LRMDA: variants seen among roughly 807,000 people sequenced by gnomAD.
The protein encoded by LRMDA is leucine rich melanocyte differentiation associated.
In LRMDA, 18 loss-of-function variants were observed where a neutral mutation model predicts 29.8. That is an observed-to-expected ratio of 0.60 (90% CI 0.42 to 0.90). The LOEUF (loss-of-function observed/expected upper bound fraction) is 0.90. Ranked by LOEUF, LRMDA falls within the 40% of genes least tolerant of loss-of-function variation. LRMDA has a pLI of 0.00. For synonymous variants in LRMDA, 125 were observed against 109.4 expected, an observed-to-expected ratio of 1.14 and a Z score of -0.89; for missense variants, 273 against 273.9, an observed-to-expected ratio of 1.00 and a Z score of 0.02.
At chr10:76,415,087 G>A (rs1842001039) in intron 6 of LRMDA, among the ~76,000 whole-genome samples, 1 of 152,252 alleles carries the variant, frequency 6.6e-6, no homozygotes, top group Non-Finnish European at 1.5e-5. Flanking sequence ...GGAAAAGCAA[G>A]TGGCTCCATG....
In LRMDA at chr10:75,575,258, G is replaced by A. The variant is rs973324428; in HGVS notation, c.131+136764G>A. Among the ~76,000 whole-genome samples, 4 of 152,064 alleles carry A rather than the reference G, an allele frequency of 2.6e-5. No homozygotes were observed. In the East Asian group the frequency reaches 7.7e-4, roughly 29 times the overall value. The stretch of plus-strand genomic sequence containing the variant: ...ACAAATATCCAAACCATATCATTCT[G>A]CCCCTGGCCCCTTCAAAATCTCATG... On this transcript the variant is annotated intron_variant, in intron 2 of 6. Coordinates refer to ENST00000611255, the MANE Select transcript of LRMDA (RefSeq NM_001305581.2).
At chr10:75,756,806 C>T (rs1388807157) in intron 2 of LRMDA, among the ~76,000 whole-genome samples, 1 of 152,146 alleles carries the variant, frequency 6.6e-6, no homozygotes, top group Non-Finnish European at 1.5e-5. Flanking sequence ...AACTGGAGGA[C>T]CTGGATTCCA....
At chr10:75,479,111 T>C (rs1287036879) in intron 2 of LRMDA, among the ~76,000 whole-genome samples, 1 of 152,198 alleles carries the variant, frequency 6.6e-6, no homozygotes, top group East Asian at 1.9e-4. Context: ...GTTCCTGCCT[T>C]CACAGAGCTT....
intron 2 of LRMDA, among the ~76,000 whole-genome samples, chr10:75,515,108 T>G (rs1191635660): frequency 6.6e-6 from 1 of 152,212 alleles, no homozygotes; most frequent in Non-Finnish European, 1.5e-5. Context: ...CATATTAGGT[T>G]AAGTGAAAGA....
intron 2 of LRMDA, among the ~76,000 whole-genome samples, chr10:75,601,516 TTTTTG>T (rs1159329476): frequency 2.6e-5 from 4 of 151,550 alleles, no homozygotes; most frequent in Non-Finnish European, 4.4e-5. Context: ...GGGAAAAGAG[TTTTTG>T]TTTTGTTTTG....
At chr10:76,238,685 G>A (rs1247499) in intron 5 of LRMDA, among the ~76,000 whole-genome samples, 76,752 of 151,898 alleles carry the variant, frequency 0.51, 19,715 homozygotes, top group East Asian at 0.77. Flanking sequence ...GATAATGTTC[G>A]ATGACAAACA....
At chr10:75,905,708 T>C (rs1338178880) in intron 2 of LRMDA, among the ~76,000 whole-genome samples, 1 of 152,218 alleles carries the variant, frequency 6.6e-6, no homozygotes, top group Non-Finnish European at 1.5e-5. Context: ...TTCCTGTTTC[T>C]GTTGGTCTCT....
intron 5 of LRMDA, among the ~76,000 whole-genome samples, chr10:76,311,430 C>T (rs1012098591): frequency 6.6e-6 from 1 of 152,150 alleles, no homozygotes; most frequent in Admixed American, 6.5e-5. Context: ...ACATTTATGA[C>T]TTTCTATTTT....
chr10:76,508,758 A>G (rs1329146373), intron 6 of LRMDA, among the ~76,000 whole-genome samples: 1 of 152,172 alleles, frequency 6.6e-6, no homozygotes, highest in African/African-American at 2.4e-5. Context: ...ACCGTGTTCT[A>G]TTTTATCTTC....
At chr10:75,437,050 TCTC>T (rs1304455183) in intron 1 of LRMDA, among the ~76,000 whole-genome samples, 2 of 152,174 alleles carry the variant, frequency 1.3e-5, no homozygotes, top group South Asian at 2.1e-4. Flanking sequence ...CCTTATTTTC[TCTC>T]CTCCTAGAAT....
intron 5 of LRMDA, among the ~76,000 whole-genome samples, chr10:76,245,617 A>T (rs762713006): frequency 3.3e-5 from 5 of 152,214 alleles, no homozygotes; most frequent in Non-Finnish European, 7.3e-5. Context: ...CCCACATTTT[A>T]TACATTATAA....
intron 5 of LRMDA, among the ~76,000 whole-genome samples, chr10:76,105,787 C>T (rs192338931): frequency 6.6e-6 from 1 of 152,168 alleles, no homozygotes; most frequent in East Asian, 1.9e-4. Context: ...TGCTCTGTTG[C>T]CCAGGCTGGA....
chr10:75,696,093 A>G (rs1318361820), intron 2 of LRMDA, among the ~76,000 whole-genome samples: 2 of 152,258 alleles, frequency 1.3e-5, no homozygotes, highest in Non-Finnish European at 2.9e-5. Flanking sequence ...GTAGTATAAT[A>G]GTAGGGTAAA....
intron 5 of LRMDA, among the ~76,000 whole-genome samples, chr10:76,319,904 A>G (rs1840749293): frequency 1.3e-5 from 2 of 152,082 alleles, no homozygotes; most frequent in Non-Finnish European, 2.9e-5. Flanking sequence ...ACAGTGGGAG[A>G]TTTATGGCTA....
intron 2 of LRMDA, among the ~76,000 whole-genome samples, chr10:75,810,246 C>T (rs1270319667): frequency 1.3e-5 from 2 of 152,196 alleles, no homozygotes; most frequent in South Asian, 2.1e-4. Flanking sequence ...TACACAGCTA[C>T]TTAAGTGTCC....
chr10:75,763,520 T>C (rs905027914), intron 2 of LRMDA, among the ~76,000 whole-genome samples: 1 of 152,208 alleles, frequency 6.6e-6, no homozygotes, highest in Non-Finnish European at 1.5e-5. Flanking sequence ...CAAGGAGTTA[T>C]ACACAGTAGA....
chr10:75,940,793 T>C (rs115927461), intron 2 of LRMDA, among the ~76,000 whole-genome samples: 2,870 of 151,616 alleles, frequency 0.019, 73 homozygotes, highest in African/African-American at 0.06. Flanking sequence ...TGCGCGCGCG[T>C]GTGTGTGTGT....
intron 2 of LRMDA, among the ~76,000 whole-genome samples, chr10:75,774,480 T>C (rs968620036): frequency 6.6e-6 from 1 of 152,214 alleles, no homozygotes; most frequent in Non-Finnish European, 1.5e-5. Flanking sequence ...ATAGCTGTCA[T>C]GTATCTGGTG....
At chr10:76,455,908 AG>A (rs1402379498) in intron 6 of LRMDA, among the ~76,000 whole-genome samples, 22 of 152,280 alleles carry the variant, frequency 1.4e-4, no homozygotes, top group African/African-American at 5.3e-4. Context: ...TCGGGTAGTA[AG>A]GAATCTAGAA....
Sources: allele counts gnomAD v4.1 joint callset (sites outside exome capture counted in the v4.1 genomes callset), GRCh38; gene constraint gnomAD v4.1.1; transcripts MANE v1.5; gene names NCBI Gene and HGNC (gene_info 2026-07-23, HGNC 2026-07-21).